Variants in IFT88 observed in about 807,000 individuals in gnomAD.
IFT88 encodes the protein intraflagellar transport 88.
A neutral mutation model predicts 119.5 loss-of-function variants in IFT88; 74 were observed. That is an observed-to-expected ratio of 0.62 (90% CI 0.51 to 0.75). The LOEUF is 0.75. Ranked by LOEUF, IFT88 falls within the 30% of genes least tolerant of loss-of-function variation. IFT88 has a pLI of 0.00. For synonymous variants in IFT88, 279 were observed against 316.7 expected (o/e 0.88, Z 1.26); for missense variants, 961 against 977.7 (o/e 0.98, Z 0.23).
At chr13:20,594,554 T>A (rs1050339045) in intron 7 of IFT88, among the ~76,000 whole-genome samples, 1 of 152,204 alleles carries the variant, frequency 6.6e-6, no homozygotes, top group Non-Finnish European at 1.5e-5. Context: ...TTGCATTTGA[T>A]AGGGACAGGG....
intron 1 of IFT88, among the ~76,000 whole-genome samples, chr13:20,568,758 T>C (rs12867684): frequency 6.6e-6 from 1 of 152,138 alleles, no homozygotes; most frequent in African/African-American, 2.4e-5. Context: ...CACGCTCTGT[T>C]GCCCAGGCTG....
At chr13:20,604,792 A>C (rs960816185) in intron 12 of IFT88, among the ~76,000 whole-genome samples, 3 of 152,020 alleles carry the variant, frequency 2.0e-5, no homozygotes, top group Non-Finnish European at 4.4e-5. Context: ...TCATCTCTAC[A>C]AAAAATACAA....
At chr13:20,572,219 A>T (rs1262468346) in intron 1 of IFT88, among the ~76,000 whole-genome samples, 2 of 151,896 alleles carry the variant, frequency 1.3e-5, no homozygotes, top group Admixed American at 6.6e-5. Context: ...TCCATCTATC[A>T]AGCCATCTTT....
At chr13:20,572,322 G>T (rs955114460) in intron 1 of IFT88, among the ~76,000 whole-genome samples, 1 of 151,794 alleles carries the variant, frequency 6.6e-6, no homozygotes, top group African/African-American at 2.4e-5. Context: ...GGGTTCAAGC[G>T]ATTCTCGTGC....
intron 14 of IFT88, among the ~76,000 whole-genome samples, chr13:20,624,707 A>C (rs185831317): frequency 8.7e-4 from 133 of 152,284 alleles, no homozygotes; most frequent in African/African-American, 2.9e-3. Flanking sequence ...AGTTCAGTCC[A>C]TCATACTGTG....
chr13:20,671,875 G>A (rs1427576641), intron 24 of IFT88, among the ~76,000 whole-genome samples: 1 of 152,174 alleles, frequency 6.6e-6, no homozygotes, highest in African/African-American at 2.4e-5. Context: ...TGTTTGTGAT[G>A]TAGGAGTCAG....
At chr13:20,608,242 A>C (rs1189188192) in intron 13 of IFT88, 8 of 256,928 alleles carry the variant, frequency 3.1e-5, no homozygotes, top group Non-Finnish European at 6.2e-5. Context: ...CAGTGAATGT[A>C]CAACCCAGCC....
At chr13:20,643,173 A>G (rs1566322276) in intron 18 of IFT88, among the ~76,000 whole-genome samples, 1 of 152,194 alleles carries the variant, frequency 6.6e-6, no homozygotes, top group African/African-American at 2.4e-5. Flanking sequence ...ATTAAGGACA[A>G]TTTTTGGACA....
chr13:20,636,857 T>G (rs531219277), intron 16 of IFT88, among the ~76,000 whole-genome samples: 78 of 152,378 alleles, frequency 5.1e-4, no homozygotes, highest in African/African-American at 1.8e-3. Context: ...ATGGCAGCAT[T>G]ATTCATAGTA....
intron 24 of IFT88, among the ~76,000 whole-genome samples, chr13:20,678,174 G>A (rs2056908049): frequency 6.6e-6 from 1 of 152,210 alleles, no homozygotes; most frequent in African/African-American, 2.4e-5. Context: ...AGGTAGAGAA[G>A]AGGATATAAA....
At chr13:20,640,541 C>G (rs2049745719) in intron 17 of IFT88, among the ~76,000 whole-genome samples, 1 of 151,454 alleles carries the variant, frequency 6.6e-6, no homozygotes, top group Admixed American at 6.6e-5. Context: ...CCACTGCACT[C>G]CAGCCTGGGC....
chr13:20,575,059 CTTTTTGTTTTTT>C (rs946070006), intron 2 of IFT88, among the ~76,000 whole-genome samples: 3 of 83,494 alleles, frequency 3.6e-5, no homozygotes, highest in African/African-American at 6.8e-5. Flanking sequence ...CTTACGCTTT[CTTTTTGTTTTTT>C]TTTTTGTACC....
chr13:20,666,181 T>C (rs2054645024), intron 23 of IFT88, among the ~76,000 whole-genome samples: 1 of 152,210 alleles, frequency 6.6e-6, no homozygotes, highest in Admixed American at 6.5e-5. Flanking sequence ...TGATCTGGAA[T>C]GGATGTTTAC....
chr13:20,667,376 G>T (rs1339300724), intron 23 of IFT88, among the ~76,000 whole-genome samples: 1 of 152,076 alleles, frequency 6.6e-6, no homozygotes, highest in African/African-American at 2.4e-5. Context: ...TAGATCTGAG[G>T]TGGGTTGCAT....
chr13:20,667,690 C>G (rs1221819502), intron 23 of IFT88, among the ~76,000 whole-genome samples: 1 of 150,474 alleles, frequency 6.6e-6, no homozygotes, highest in Admixed American at 6.6e-5. Flanking sequence ...GATCCGCCCA[C>G]CTCGGCCTCC....
At chr13:20,596,088 ATT>A in intron 7 of IFT88, 60 bp from the exon 8 acceptor site, 1 of 486,938 alleles carries the variant, frequency 2.1e-6, no homozygotes, top group Non-Finnish European at 3.4e-6. Flanking sequence ...AATAAAATAA[ATT>A]TTAGTATAGA....
chr13:20,653,966 G>A (rs2052274843), intron 21 of IFT88, 38 bp downstream of exon 21: 5 of 1,329,964 alleles, frequency 3.8e-6, no homozygotes, highest in Non-Finnish European at 5.2e-6. Flanking sequence ...TAGATATTTT[G>A]CTTCTTTCCT....
intron 24 of IFT88, among the ~76,000 whole-genome samples, chr13:20,685,109 A>C (rs999664007): frequency 2.0e-5 from 3 of 152,270 alleles, no homozygotes; most frequent in Non-Finnish European, 2.9e-5. Flanking sequence ...ATTAGCTAGA[A>C]GCATTCCTTA....
At chr13:20,665,387 T>C (rs1188546997) in intron 23 of IFT88, among the ~76,000 whole-genome samples, 1 of 152,226 alleles carries the variant, frequency 6.6e-6, no homozygotes, top group East Asian at 1.9e-4. Flanking sequence ...GAAACCCTTT[T>C]GGTTATATTT....
Sources: gnomAD v4.1 joint callset for allele counts (sites outside exome capture counted in the v4.1 genomes callset) on GRCh38, gnomAD v4.1.1 for gene constraint, MANE v1.5 for transcripts, NCBI Gene and HGNC (gene_info 2026-07-23, HGNC 2026-07-21) for gene names.